Variants in ITGA10 observed in about 807,000 individuals in gnomAD.
ITGA10 encodes the protein integrin alpha-10.
In ITGA10, 105 loss-of-function variants were observed where a neutral mutation model predicts 145.2. The ratio of observed to expected loss-of-function variants is 0.72; its 90% CI spans 0.62 to 0.85. ITGA10 has a LOEUF of 0.85. ITGA10 is among the 40% of genes least tolerant of loss of function. ITGA10 has a pLI of 0.00. For missense variants in ITGA10, 1,317 were observed against 1,444.5 expected (o/e 0.91, Z 1.43); for synonymous variants, 506 against 557.8 (o/e 0.91, Z 1.31).
intron 21 of ITGA10, 27 bp from the exon 22 acceptor site, chr1:145,897,114 G>A (rs1559193695): frequency 6.3e-7 from 1 of 1,598,956 alleles, no homozygotes; most frequent in Middle Eastern, 1.7e-4. Context: ...CAGGGTAATG[G>A]TAGAGTCTTC....
intron 1 of ITGA10, among the ~76,000 whole-genome samples, chr1:145,907,842 T>G (rs1657375963): frequency 7.1e-6 from 1 of 141,278 alleles, no homozygotes. Context: ...TGATCTCGGC[T>G]TACTGCAGGC....
In ITGA10 at chr1:145,891,364, C is replaced by T. The variant is rs1220458696; in HGVS notation, c.*1434G>A. The T allele has an allele frequency of 6.6e-6, 1 of 152,644 alleles. No individual in the cohort carries two copies. The highest frequency in any genetic ancestry group is 1.5e-5 in the Non-Finnish European group (1 of 68,070). The allele number at this position is 152,644 out of a possible 1,614,324, so 9.5% of individuals were successfully genotyped here. ...AGGCCTCAGGAACAGCCTGGGAGGA[C>T]AGGTTCTGTGACTGCTAGTCAACCA... is the stretch of plus-strand genomic sequence containing the variant. On this transcript the variant is annotated 3_prime_UTR_variant, in exon 30 of 30. Coordinates refer to ENST00000369304, the MANE Select transcript of ITGA10 (RefSeq NM_003637.5).
chr1:145,898,012 G>T, intron 18 of ITGA10, 98 bp downstream of exon 18: 1 of 1,279,766 alleles, frequency 7.8e-7, no homozygotes, highest in East Asian at 2.3e-5. Flanking sequence ...AGGAGCCCAG[G>T]TCAGATTTCA....
At chr1:145,902,186 T>G in intron 10 of ITGA10, 60 bp downstream of exon 10, 1 of 1,585,518 alleles carries the variant, frequency 6.3e-7, no homozygotes, top group Non-Finnish European at 8.7e-7. Flanking sequence ...GAGGGCCCTG[T>G]GGTTGAAGTT....
At chr1:145,899,954 G>A in intron 15 of ITGA10, 103 bp downstream of exon 15, 1 of 1,191,814 alleles carries the variant, frequency 8.4e-7, no homozygotes, top group East Asian at 2.4e-5. Flanking sequence ...GAGGCACAGA[G>A]TAAGTTGACC....
chr1:145,900,810 C>T lies in ITGA10; in HGVS notation c.1771G>A (p.Val591Ile), dbSNP rs1656186778. 2 of 1,614,044 alleles carry T rather than the reference C, an allele frequency of 1.2e-6. No individual in the cohort carries two copies. The highest frequency in any genetic ancestry group is 2.7e-5 in the African/African-American group (2 of 74,908). ...LYLYHGTQSGVRPHPAQRIAA... is the reference protein window; with the variant it reads ...LYLYHGTQSGIRPHPAQRIAA... The stretch of plus-strand genomic sequence containing the variant: ...CTGACCTGGGCAGGATGGGGCCTGA[C>T]TCCACTCTGGGTTCCATGGTACAGG... Residue 591 changes from valine to isoleucine, a missense_variant, in exon 14 of 30, where the codon GTC (valine) becomes ATC (isoleucine). Physicochemically the swap from Val to Ile is conservative, Grantham distance 29. Transcript: ENST00000369304.
rs1444577985 is a variant in ITGA10, at chr1:145,909,970, G to C, written c.45C>G (p.Phe15Leu). 3 of 1,613,080 alleles carry C rather than the reference G, an allele frequency of 1.9e-6. No homozygotes were observed. The highest frequency in any genetic ancestry group is 2.5e-6 in the Non-Finnish European group (3 of 1,179,456). Residue 15 changes from phenylalanine (F) to leucine (L), a missense_variant, in exon 1 of 30, where the codon TTC becomes TTG. Physicochemically the swap from Phe to Leu is conservative, Grantham distance 22. Transcript: ENST00000369304. ...FVTHLFLPLV[F>L]LTGLCSPFNL... The stretch of plus-strand genomic sequence containing the variant: ...GAAGTTAACTTCCCTCACCTGTCAG[G>C]AACACCAGGGGCAAGAACAGGTGAG...
At chr1:145,900,620 G>C (rs1421709597) in intron 14 of ITGA10, among the ~76,000 whole-genome samples, 170 bp downstream of exon 14, 1 of 151,898 alleles carries the variant, frequency 6.6e-6, no homozygotes, top group Non-Finnish European at 1.5e-5. Flanking sequence ...ACTTGCCTGT[G>C]TTCAGGAGTT....
intron 7 of ITGA10, 99 bp downstream of exon 7, chr1:145,903,953 G>T: frequency 7.2e-7 from 1 of 1,388,036 alleles, no homozygotes; most frequent in Non-Finnish European, 1.0e-6. Context: ...CTCCCAAAGT[G>T]CTGGGATTAC....
intron 7 of ITGA10, among the ~76,000 whole-genome samples, chr1:145,903,249 T>C (rs781823771): frequency 2.8e-4 from 43 of 152,216 alleles, no homozygotes; most frequent in Non-Finnish European, 5.1e-4. Context: ...TCAACAAATA[T>C]TGCACTTGGG....
chr1:145,892,968 A>G, intron 29 of ITGA10, 105 bp from the exon 30 acceptor site: 1 of 1,016,616 alleles, frequency 9.8e-7, no homozygotes, highest in Non-Finnish European at 1.5e-6. Flanking sequence ...GTTTCCAAAA[A>G]TGGAATTCAA....
At position 145,895,645 on chromosome 1, in the gene ITGA10, G is replaced by A. The variant is rs1553744683; in HGVS notation, c.3100C>T (p.His1034Tyr). The change falls in exon 26 of 30, where the codon CAC becomes TAC. Residue 1034 changes from histidine to tyrosine, a missense_variant. Physicochemically the swap from His to Tyr is moderately conservative, Grantham distance 83. Transcript: ENST00000369304. ...GTGACTCATACCAGTCTGTTTGTGT[G>A]TTGAAGCTCCTCTGGATGCACAGGT... ...GPPVHPEELQHTNRLNGSNTQ... is the reference protein window; with the variant it reads ...GPPVHPEELQYTNRLNGSNTQ... The A allele has an allele frequency of 1.2e-6, 2 of 1,614,178 alleles. No homozygotes were observed. Among genetic ancestry groups the A allele is most frequent in the East Asian group, 2.2e-5 (1 of 44,888 alleles).
chr1:145,902,488 C>T lies in ITGA10; in HGVS notation c.1041G>A (p.Val347=). Residue 347 remains valine, a synonymous_variant, in exon 9 of 30, where the codon GTG becomes GTA. Transcript: ENST00000369304. ...CAAAAATCCGATCTCCTAGTGCATC[C>T]ACAATGTCAGTCAGAGCAGCCTCAT... The part of the protein sequence containing the change: ...VTDEAALTDI[V]DALGDRIFGL... 1 of 1,613,030 alleles carries T rather than the reference C, an allele frequency of 6.2e-7. No individual in the cohort carries two copies. Among genetic ancestry groups the T allele is most frequent in the African/African-American group, 1.3e-5 (1 of 75,004 alleles).
At position 145,902,321 on chromosome 1, in the gene ITGA10, T is replaced by C. The variant is rs1656455846; in HGVS notation, c.1076-2A>G. 2 of 1,614,064 alleles carry C rather than the reference T, an allele frequency of 1.2e-6. No homozygotes were observed. The highest frequency in any genetic ancestry group is 1.7e-6 in the Non-Finnish European group (2 of 1,179,914). ...AGCTTTCGTTTTCTGCATGGGACCC[T>C]TGGTCATGAGAAAACATTGAGACAA... On this transcript the variant is annotated splice_acceptor_variant, in intron 9 of 29. Transcript: ENST00000369304. LOFTEE classifies it high-confidence loss of function.
rs868939649 is a variant in ITGA10 at position 145,901,933 on chromosome 1, C to T, written c.1238G>A (p.Arg413Gln). 7.4e-6 allele frequency: 12 copies of T among 1,614,010 alleles called. No individual in the cohort carries two copies. The highest frequency in any genetic ancestry group is 9.3e-6 in the Non-Finnish European group (11 of 1,180,030). Reference sequence around the variant, plus strand: ...GGGGAACTCGTCTTCCAGTGCCATTCGTGGGGGGAAAAGGCGGTGGCCTCC... The same window carrying T: ...GGGGAACTCGTCTTCCAGTGCCATTTGTGGGGGGAAAAGGCGGTGGCCTCC... Reference protein sequence around the residue: ...LEGGHRLFPPRMALEDEFPPA... With the variant: ...LEGGHRLFPPQMALEDEFPPA... Residue 413 changes from arginine (R) to glutamine (Q), a missense_variant, in exon 11 of 30, where the codon CGA becomes CAA. Transcript: ENST00000369304. This position sits in a 1 kb window ranked among gnomAD's most constrained non-coding sequence, Gnocchi z 4.3.
intron 29 of ITGA10, 79 bp downstream of exon 29, chr1:145,893,081 TC>T: frequency 8.7e-7 from 1 of 1,151,588 alleles, no homozygotes. Context: ...CCAGCACAAA[TC>T]CTGTTCTCTC....
chr1:145,906,774 C>T lies in ITGA10; in HGVS notation c.325G>A (p.Gly109Arg). The T allele has an allele frequency of 1.2e-6, 2 of 1,613,912 alleles. No individual in the cohort carries two copies. The highest frequency in any genetic ancestry group is 1.7e-6 in the Non-Finnish European group (2 of 1,179,846). The change falls in exon 4 of 30, where the codon GGG becomes AGG. Residue 109 changes from glycine (G) to arginine (R), a missense_variant. Physicochemically the swap from Gly to Arg is moderately radical, Grantham distance 125. Coordinates refer to ENST00000369304, the MANE Select transcript of ITGA10 (RefSeq NM_003637.5). The stretch of plus-strand genomic sequence containing the variant: ...CCATCTGTCTCTAACAGAGACATCC[C>T]CAGGTGCATATTCACAGCAGGATGA... ...SSHPAVNMHL[G>R]MSLLETDGDG... is the part of the protein sequence containing the mutation.
intron 27 of ITGA10, among the ~76,000 whole-genome samples, chr1:145,893,866 T>C (rs1655024110): frequency 6.6e-6 from 1 of 152,024 alleles, no homozygotes; most frequent in Non-Finnish European, 1.5e-5. Context: ...ATACATCTGG[T>C]GCTTTACCTG....
chr1:145,906,462 C>A lies in ITGA10; in HGVS notation c.413G>T (p.Ser138Ile), dbSNP rs1450900760. The change falls in exon 5 of 30, where the codon AGT (serine) becomes ATT (isoleucine). Residue 138 changes from serine to isoleucine, a missense_variant. Ser to Ile is a moderately radical substitution (Grantham distance 142). Transcript: ENST00000369304. The part of the protein sequence containing the change: ...WSRACGSSVF[S>I]SGICARVDAS... ...ATCCACACGGGCACATATCCCAGAA[C>A]TGAAGACAGAGCTGCCACAAGCACG... The A allele has an allele frequency of 6.2e-7, 1 of 1,614,022 alleles. No homozygotes were observed. Among genetic ancestry groups the A allele is most frequent in the South Asian group, 1.1e-5 (1 of 91,084 alleles).
Sources: allele counts gnomAD v4.1 joint callset (sites outside exome capture counted in the v4.1 genomes callset), GRCh38; gene constraint gnomAD v4.1.1; non-coding constraint Gnocchi (gnomAD v3.1); transcripts MANE v1.5; gene names NCBI Gene and HGNC (gene_info 2026-07-23, HGNC 2026-07-21).